The following HERC2 variants were observed in gnomAD, a reference collection of about 807,000 sequenced individuals.
The protein encoded by HERC2 is HECT and RLD domain containing E3 ubiquitin protein ligase 2.
A neutral mutation model predicts 537.7 loss-of-function variants in HERC2; 102 were observed. That is an observed-to-expected ratio of 0.19 (90% confidence interval 0.16 to 0.22). The LOEUF (loss-of-function observed/expected upper bound fraction) is 0.22. Ranked by LOEUF, HERC2 falls within the 10% of genes least tolerant of loss-of-function variation. HERC2 has a pLI of 1.00. For synonymous variants in HERC2, 2,224 were observed against 2,466.2 expected (o/e 0.90, Z 2.91); for missense variants, 4,236 against 6,198.2 (o/e 0.68, Z 10.63).
chr15:28,255,836 T>C (rs762723457), intron 19 of HERC2, 36 bp downstream of exon 19: 2 of 1,590,522 alleles, frequency 1.3e-6, no homozygotes, highest in African/African-American at 1.3e-5. Flanking sequence ...CTGATCTCAG[T>C]GCACCACCAG....
In HERC2 at chr15:28,115,478, A is replaced by G. The variant is rs150636762; in HGVS notation, c.13673T>C (p.Val4558Ala). Residue 4558 changes from valine to alanine, a missense_variant, in exon 89 of 93, where the codon GTC becomes GCC. By Grantham distance (64) the Val-to-Ala change is moderately conservative. Around this residue, in one of 27 missense-constraint regions of HERC2, gnomAD observed 313 missense variants for 462.6 expected, o/e 0.68. Transcript: ENST00000261609. ...GCTCATCCCAGCCAGCTGCTTCCAGACAGGCTCGGCAAGGTTGAGGCTCAG... is the reference window on the plus strand; with the variant it reads ...GCTCATCCCAGCCAGCTGCTTCCAGGCAGGCTCGGCAAGGTTGAGGCTCAG... ...SPLSLNLAEPVWKQLAGMSLT... is the reference protein window; with the variant it reads ...SPLSLNLAEPAWKQLAGMSLT... 6.2e-7 allele frequency: 1 copy of G among 1,613,942 alleles called. No individual in the cohort carries two copies. The highest frequency in any genetic ancestry group is 8.5e-7 in the Non-Finnish European group (1 of 1,179,980).
At chr15:28,291,958 T>C (rs1377069906) in intron 4 of HERC2, among the ~76,000 whole-genome samples, 1 of 142,166 alleles carries the variant, frequency 7.0e-6, no homozygotes, top group Non-Finnish European at 1.5e-5. Context: ...CCAGGTGCAG[T>C]GGCTCATGCC....
intron 69 of HERC2, among the ~76,000 whole-genome samples, chr15:28,161,604 G>T (rs1171509961): frequency 1.3e-5 from 2 of 152,146 alleles, no homozygotes; most frequent in African/African-American, 4.8e-5. Flanking sequence ...CTAGCCACAT[G>T]TGCCTCAAGT....
At chr15:28,282,320 A>G (rs1447131006) in intron 4 of HERC2, among the ~76,000 whole-genome samples, 3 of 152,238 alleles carry the variant, frequency 2.0e-5, no homozygotes, top group Non-Finnish European at 4.4e-5. Context: ...AGGAAGATCT[A>G]AAACCAAATT....
intron 44 of HERC2, among the ~76,000 whole-genome samples, chr15:28,207,929 C>T (rs1898661514): frequency 6.6e-6 from 1 of 152,030 alleles, no homozygotes; most frequent in South Asian, 2.1e-4. Flanking sequence ...TTTACAAAAA[C>T]AGGTGCACGG....
intron 35 of HERC2, among the ~76,000 whole-genome samples, chr15:28,224,149 C>CACACACACACA (rs1321759830): frequency 0.36 from 48,338 of 132,660 alleles, 10,375 homozygotes; most frequent in Non-Finnish European, 0.49. Context: ...ACACACACAC[C>CACACACACACA]CACACACACA....
In HERC2 at chr15:28,256,232, G is replaced by A. The variant is rs771006588; in HGVS notation, c.2603C>T (p.Thr868Met). Reference sequence around the variant, plus strand: ...CGCACTGCTGGCCAGGGTCACCACCGTCTGCTTCAGGCTGTTCAGGAGGAT... The same window carrying A: ...CGCACTGCTGGCCAGGGTCACCACCATCTGCTTCAGGCTGTTCAGGAGGAT... ...GSILLNSLKQ[T>M]VVTLASSAGV... Residue 868 changes from threonine to methionine, a missense_variant, in exon 18 of 93, where the codon ACG (threonine) becomes ATG (methionine). This residue lies in a region of HERC2 where 754 missense variants were observed against 1,085.0 expected (regional missense o/e 0.69). Transcript: ENST00000261609. The A allele has an allele frequency of 1.1e-5, 17 of 1,599,450 alleles. No individual in the cohort carries two copies. Among genetic ancestry groups the A allele is most frequent in the African/African-American group, 2.7e-5 (2 of 74,870 alleles).
chr15:28,139,161 T>C (rs1231271680), intron 78 of HERC2, among the ~76,000 whole-genome samples: 2 of 152,220 alleles, frequency 1.3e-5, no homozygotes, highest in Non-Finnish European at 2.9e-5. Context: ...AGCCTGCATA[T>C]CTCCAAGCAT....
intron 69 of HERC2, among the ~76,000 whole-genome samples, chr15:28,157,586 T>C (rs1893141773): frequency 6.6e-6 from 1 of 152,212 alleles, no homozygotes; most frequent in East Asian, 1.9e-4. Context: ...GAATCAGTGG[T>C]GATATCCCCT....
intron 83 of HERC2, among the ~76,000 whole-genome samples, chr15:28,126,747 AC>A (rs1033165044): frequency 5.9e-5 from 9 of 152,196 alleles, no homozygotes; most frequent in Non-Finnish European, 1.3e-4. Context: ...AAAAGACTAC[AC>A]ATTGGGTACT....
chr15:28,311,208 T>C (rs2076935880), intron 2 of HERC2, among the ~76,000 whole-genome samples: 1 of 150,828 alleles, frequency 6.6e-6, no homozygotes, highest in South Asian at 2.1e-4. Flanking sequence ...CTCACATTTG[T>C]AATCCCAGCA....
intron 69 of HERC2, 137 bp downstream of exon 69, chr15:28,162,957 T>C (rs1002876388): frequency 1.7e-5 from 12 of 702,276 alleles, no homozygotes; most frequent in Admixed American, 7.7e-5. Flanking sequence ...TCTAAAGGAG[T>C]GCTCCTAACC....
At chr15:28,247,275 C>T (rs1246503467) in intron 21 of HERC2, among the ~76,000 whole-genome samples, 12 of 152,004 alleles carry the variant, frequency 7.9e-5, no homozygotes, top group Non-Finnish European at 1.3e-4. Flanking sequence ...GATCTACAGG[C>T]ATGCACTACC....
Position 28,201,744 on chromosome 15 carries a change from C to T in HERC2, c.7618-190G>A, listed in dbSNP as rs549612490. 2.0e-5 allele frequency among the ~76,000 whole-genome samples: 3 copies of T among 152,264 alleles called. No individual in the cohort carries two copies. In the East Asian group the frequency reaches 5.8e-4, roughly 29 times the overall value. On this transcript the variant is annotated intron_variant, in intron 47 of 92. Coordinates refer to ENST00000261609, the MANE Select transcript of HERC2 (RefSeq NM_004667.6). ...TAGGCAGAATGAATCTCAAAAGCTA[C>T]AAGTATACAAAATTTCCAAGGCACT...
In HERC2 at chr15:28,123,932, A is replaced by G. The variant is rs541017751; in HGVS notation, c.13188+105T>C. The G allele has an allele frequency of 1.9e-4, 169 of 892,144 alleles. 3 individuals carry two copies. In the South Asian group the frequency reaches 2.0e-3, roughly 10 times the overall value. The allele number at this position is 892,144 out of a possible 1,614,324, so 55.3% of individuals were successfully genotyped here. A position where few individuals can be genotyped will look rare whatever the true frequency, so the allele number is the denominator to read the frequency against. ...GGAGGCATTCCGTGAACATTTGCTG[A>G]ATGAGCTGTATTCTATGTGTTCTAT... is the stretch of plus-strand genomic sequence containing the variant. On this transcript the variant is annotated intron_variant, in intron 85 of 92. Coordinates refer to ENST00000261609, the MANE Select transcript of HERC2 (RefSeq NM_004667.6).
At chr15:28,170,345 G>C (rs1195926563) in intron 65 of HERC2, among the ~76,000 whole-genome samples, 1 of 152,128 alleles carries the variant, frequency 6.6e-6, no homozygotes, top group East Asian at 1.9e-4. Flanking sequence ...AATAAACAGA[G>C]AACCCAGAAA....
At chr15:28,175,036 T>A (rs532803074) in intron 64 of HERC2, among the ~76,000 whole-genome samples, 1 of 152,138 alleles carries the variant, frequency 6.6e-6, no homozygotes, top group African/African-American at 2.4e-5. Context: ...CTGACTAAAA[T>A]ACAGTAATGG....
At chr15:28,178,160 C>A (rs774423766) in intron 59 of HERC2, among the ~76,000 whole-genome samples, 4 of 152,128 alleles carry the variant, frequency 2.6e-5, no homozygotes, top group African/African-American at 9.7e-5. Context: ...AGCTAATTCC[C>A]AGCCTCCTCT....
rs532128191 is a variant in HERC2 at position 28,294,465 on chromosome 15, T to C, written c.188-1443A>G. Among the ~76,000 whole-genome samples, 517 of 149,860 alleles carry C rather than the reference T, an allele frequency of 3.4e-3. 7 individuals are homozygous for C. The highest frequency in any genetic ancestry group is 0.012 in the African/African-American group (496 of 40,616). The stretch of plus-strand genomic sequence containing the variant: ...ATACAGAAGAATTTCTCGTGTGGCC[T>C]GAAATTAAGACTAAATATTACGTGC... On this transcript the variant is annotated intron_variant, in intron 3 of 92. Coordinates refer to ENST00000261609, the MANE Select transcript of HERC2 (RefSeq NM_004667.6).
Sources: allele counts gnomAD v4.1 joint callset (sites outside exome capture counted in the v4.1 genomes callset), GRCh38; gene constraint gnomAD v4.1.1; regional missense constraint gnomAD v4.1.1; transcripts MANE v1.5; gene names NCBI Gene and HGNC (gene_info 2026-07-23, HGNC 2026-07-21).